GALNT13: variants seen among roughly 807,000 people sequenced by gnomAD.
GALNT13 encodes polypeptide N-acetylgalactosaminyltransferase 13, also known as UDP-GalNAc:polypeptide N-acetylgalactosaminyltransferase 13.
GALNT13 carries 28 observed loss-of-function variants against 64.2 expected under a neutral mutation model. That is an observed-to-expected ratio of 0.44 (90% CI 0.32 to 0.60). The LOEUF is 0.60. Among genes scored for constraint, GALNT13 ranks in the 20% least tolerant of loss-of-function variants. The pLI is 0.05. For missense variants in GALNT13, 577 were observed against 669.8 expected, an observed-to-expected ratio of 0.86 and a Z score of 1.53; for synonymous variants, 214 against 224.6, an observed-to-expected ratio of 0.95 and a Z score of 0.42.
At chr2:154,172,105 T>C (rs1443676153) in intron 4 of GALNT13, among the ~76,000 whole-genome samples, 1 of 151,912 alleles carries the variant, frequency 6.6e-6, no homozygotes, top group East Asian at 1.9e-4. Flanking sequence ...CTTTGCCAAA[T>C]AAATATTTTT....
chr2:153,862,907 C>T, the GALNT13 span, among the ~76,000 whole-genome samples: 1 of 152,080 alleles, frequency 6.6e-6, no homozygotes, highest in Middle Eastern at 3.2e-3. Context: ...ATTTAGTTAG[C>T]TAAGTTTCAC....
At chr2:154,431,845 C>T (rs1334814960) in intron 11 of GALNT13, among the ~76,000 whole-genome samples, 1 of 152,214 alleles carries the variant, frequency 6.6e-6, no homozygotes, top group African/African-American at 2.4e-5. Context: ...CGCTCTCTTG[C>T]CTGCCACCAT....
chr2:153,968,714 T>A (rs1231512536), intron 3 of GALNT13, among the ~76,000 whole-genome samples: 1 of 152,208 alleles, frequency 6.6e-6, no homozygotes, highest in Non-Finnish European at 1.5e-5. Flanking sequence ...GGTATTGGAT[T>A]AAATTTTTAA....
the GALNT13 span, among the ~76,000 whole-genome samples, chr2:153,773,356 G>A: frequency 9.2e-5 from 14 of 152,130 alleles, no homozygotes; most frequent in South Asian, 4.1e-4. Flanking sequence ...AATGCGCTGT[G>A]GCAAGTTGTC....
chr2:153,569,216 A>T, the GALNT13 span, among the ~76,000 whole-genome samples: 4 of 152,164 alleles, frequency 2.6e-5, no homozygotes, highest in African/African-American at 4.8e-5. Flanking sequence ...TATTCTTGTC[A>T]ATACTTATTA....
At chr2:154,350,019 G>A (rs926533365) in intron 9 of GALNT13, among the ~76,000 whole-genome samples, 3 of 152,134 alleles carry the variant, frequency 2.0e-5, no homozygotes, top group Admixed American at 6.5e-5. Flanking sequence ...TAAAGTCTAT[G>A]GGATTCAAGG....
At chr2:153,982,074 A>C (rs1219810694) in intron 3 of GALNT13, among the ~76,000 whole-genome samples, 1 of 152,122 alleles carries the variant, frequency 6.6e-6, no homozygotes, top group Non-Finnish European at 1.5e-5. Context: ...TGCTCTTTCA[A>C]ACTGACACTC....
chr2:153,202,448 A>G, the GALNT13 span, among the ~76,000 whole-genome samples: 1 of 152,192 alleles, frequency 6.6e-6, no homozygotes, highest in African/African-American at 2.4e-5. Flanking sequence ...CAGTGCTCAC[A>G]TGAACTAGTT....
At chr2:153,439,390 T>C in the GALNT13 span, among the ~76,000 whole-genome samples, 1 of 152,282 alleles carries the variant, frequency 6.6e-6, no homozygotes, top group East Asian at 1.9e-4. Flanking sequence ...CTGCTGCCTT[T>C]TGTTTGTCTG....
chr2:154,140,371 A>T lies in GALNT13; in HGVS notation c.177A>T (p.Glu59Asp), dbSNP rs34086479. Residue 59 changes from glutamate to aspartate, a missense_variant, in exon 4 of 13, where the codon GAA becomes GAT. By Grantham distance (45) the Glu-to-Asp change is conservative (BLOSUM62 2). Coordinates refer to ENST00000392825, the MANE Select transcript of GALNT13 (RefSeq NM_052917.4). ...CAAGAAACCAAGAAGGGCCAGGAGA[A>T]ATGGGAAAAGCTGTGTTGATTCCTA... ...VISRNQEGPG[E>D]MGKAVLIPKD... is the part of the protein sequence containing the mutation. 2,148 of 1,613,112 alleles carry T rather than the reference A, an allele frequency of 1.3e-3. 26 individuals are homozygous for T. The African/African-American group carries it at 0.026, about 20-fold the overall frequency.
At chr2:153,830,394 C>T in the GALNT13 span, among the ~76,000 whole-genome samples, 1 of 152,010 alleles carries the variant, frequency 6.6e-6, no homozygotes, top group Admixed American at 6.5e-5. Flanking sequence ...TTCTTTAATT[C>T]TAAAATTTTT....
At chr2:153,154,809 T>C in the GALNT13 span, among the ~76,000 whole-genome samples, 1 of 152,176 alleles carries the variant, frequency 6.6e-6, no homozygotes, top group South Asian at 2.1e-4. Flanking sequence ...GTGCCAGTTT[T>C]CAAAGGGGAA....
the GALNT13 span, among the ~76,000 whole-genome samples, chr2:153,728,015 T>C: frequency 2.6e-5 from 4 of 152,182 alleles, no homozygotes; most frequent in African/African-American, 9.7e-5. Context: ...TGTTCCTGTG[T>C]TAGTTTGCTG....
chr2:153,362,251 A>G, the GALNT13 span, among the ~76,000 whole-genome samples: 1 of 152,110 alleles, frequency 6.6e-6, no homozygotes, highest in Non-Finnish European at 1.5e-5. Context: ...AACCAGTACC[A>G]CCCACTGCAA....
intron 9 of GALNT13, among the ~76,000 whole-genome samples, chr2:154,362,731 A>C (rs549265889): frequency 2.0e-5 from 3 of 152,306 alleles, no homozygotes; most frequent in African/African-American, 7.2e-5. Context: ...CATAACTGCT[A>C]TACTAAGCAA....
At chr2:154,366,723 T>C (rs1202198204) in intron 9 of GALNT13, among the ~76,000 whole-genome samples, 3 of 152,172 alleles carry the variant, frequency 2.0e-5, no homozygotes, top group Non-Finnish European at 4.4e-5. Flanking sequence ...CTCTGTATGA[T>C]GGACAGAAAC....
chr2:153,370,851 G>T, the GALNT13 span: 1 of 160,596 alleles, frequency 6.2e-6, no homozygotes, highest in African/African-American at 2.4e-5. Flanking sequence ...CCATAGAGTT[G>T]GCCATGAAGA....
chr2:154,252,584 C>G (rs918619965), intron 7 of GALNT13, among the ~76,000 whole-genome samples: 2 of 151,894 alleles, frequency 1.3e-5, no homozygotes, highest in African/African-American at 4.8e-5. Flanking sequence ...TCTCGTTCTC[C>G]TGACCTCGTG....
chr2:153,218,003 T>G, the GALNT13 span, among the ~76,000 whole-genome samples: 1 of 152,266 alleles, frequency 6.6e-6, no homozygotes, highest in South Asian at 2.1e-4. Flanking sequence ...GCCAATCTAG[T>G]CTGGAGTTGA....
Sources: gnomAD v4.1 joint callset for allele counts (sites outside exome capture counted in the v4.1 genomes callset) on GRCh38, gnomAD v4.1.1 for gene constraint, MANE v1.5 for transcripts, NCBI Gene and HGNC (gene_info 2026-07-23, HGNC 2026-07-21) for gene names.